Variants in ELP5 observed in about 807,000 individuals in gnomAD.
ELP5 encodes elongator acetyltransferase complex subunit 5.
Under a neutral mutation model 33.4 loss-of-function variants are expected in ELP5, and 34 were observed. The ratio of observed to expected loss-of-function variants is 1.02; its 90% confidence interval spans 0.78 to 1.36. ELP5 has a LOEUF of 1.36. Ranked by LOEUF, ELP5 falls within the 40% of genes most tolerant of loss-of-function variation. The pLI is 0.00. For synonymous variants in ELP5, 161 were observed against 146.4 expected, an observed-to-expected ratio of 1.10 and a Z score of -0.72; for missense variants, 373 against 371.7, an observed-to-expected ratio of 1.00 and a Z score of -0.03.
At chr17:7,255,800 G>A (rs940854163) in intron 4 of ELP5, among the ~76,000 whole-genome samples, 2 of 152,190 alleles carry the variant, frequency 1.3e-5, no homozygotes, top group African/African-American at 4.8e-5. Flanking sequence ...AGTGGCTCAT[G>A]CCTGTAATCC....
In ELP5 at chr17:7,259,689, G is replaced by A. The variant is rs2072168846; in HGVS notation, c.*4G>A. On this transcript the variant is annotated 3_prime_UTR_variant, in exon 8 of 8. Coordinates refer to ENST00000396628, the MANE Select transcript of ELP5 (RefSeq NM_203414.3). ...AGATGACGACCTGGATATTTGACTGGCCAGATTTGATTAGATTGTAATTGG... is the reference window on the plus strand; with the variant it reads ...AGATGACGACCTGGATATTTGACTGACCAGATTTGATTAGATTGTAATTGG... The A allele has an allele frequency of 1.2e-6, 2 of 1,614,166 alleles. No individual in the cohort carries two copies. Among genetic ancestry groups the A allele is most frequent in the Non-Finnish European group, 1.7e-6 (2 of 1,180,016 alleles).
chr17:7,259,921 A>AT lies in ELP5; in HGVS notation c.*243dup, dbSNP rs1285625284. The AT allele has an allele frequency of 2.3e-5, 11 of 479,506 alleles. No homozygotes were observed. Among genetic ancestry groups the AT allele is most frequent in the South Asian group, 2.2e-4 (4 of 18,420 alleles). 29.7% of individuals were successfully genotyped at this position (479,506 alleles called of 1,614,324 possible). A position where few individuals can be genotyped will look rare whatever the true frequency, so the allele number is the denominator to read the frequency against. ...ACCCCCGTACCTAATAAAAATCTTT[A>AT]TTTTTTTATTAAAAAAGAAGTACTT... is the stretch of plus-strand genomic sequence containing the variant. On this transcript the variant is annotated 3_prime_UTR_variant, in exon 8 of 8. Transcript: ENST00000396628.
At chr17:7,254,506 A>G (rs1356665951) in intron 3 of ELP5, 77 bp from the exon 4 acceptor site, 2 of 1,058,786 alleles carry the variant, frequency 1.9e-6, no homozygotes, top group Non-Finnish European at 2.7e-6. Flanking sequence ...AAACAGCCAT[A>G]AAGATCAGAG....
chr17:7,252,625 G>C (rs199771341), intron 1 of ELP5, 29 bp downstream of exon 1: 3 of 1,605,004 alleles, frequency 1.9e-6, no homozygotes, highest in Middle Eastern at 1.7e-4. Flanking sequence ...GTGGCGGGGC[G>C]GGGGGTGCGG....
upstream of ELP5, chr17:7,252,153 G>T: frequency 2.8e-6 from 1 of 361,336 alleles, no homozygotes; most frequent in Non-Finnish European, 5.2e-6. Flanking sequence ...AGGTGGCCGC[G>T]GGGCGGGGCC....
chr17:7,253,685 C>A (rs1460092401), intron 3 of ELP5, among the ~76,000 whole-genome samples: 1 of 152,118 alleles, frequency 6.6e-6, no homozygotes, highest in Non-Finnish European at 1.5e-5. Context: ...GTGATAGAGG[C>A]GGTGGTGTAT....
At position 7,258,671 on chromosome 17, in the gene ELP5, T is replaced by G. The variant is rs865930254; in HGVS notation, c.675T>G (p.Pro225=). ...TAGAGTCCCAGCCCTACTCCGATCC[T>G]CATATACCCCCGGTATCTAAGAATG... ...PSVESQPYSD[P]HIPPVDPTTH... The change falls in exon 6 of 8, where the codon CCT becomes CCG. Residue 225 remains proline, a synonymous_variant. Transcript: ENST00000396628. 9.3e-6 allele frequency: 15 copies of G among 1,613,990 alleles called. No homozygotes were observed. Among genetic ancestry groups the G allele is most frequent in the Non-Finnish European group, 1.3e-5 (15 of 1,180,034 alleles).
upstream of ELP5, chr17:7,252,107 A>G (rs1225607199): frequency 9.6e-6 from 3 of 311,636 alleles, no homozygotes; most frequent in African/African-American, 2.3e-5. Flanking sequence ...AGCCAAAAGC[A>G]CTCCAAGCGA....
intron 5 of ELP5, among the ~76,000 whole-genome samples, chr17:7,257,786 G>C (rs1403701712): frequency 6.6e-6 from 1 of 152,176 alleles, no homozygotes; most frequent in Non-Finnish European, 1.5e-5. Flanking sequence ...AGTGTAAGTG[G>C]GGCCCAGGCG....
intron 7 of ELP5, 66 bp downstream of exon 7, chr17:7,258,992 G>T: frequency 6.2e-7 from 1 of 1,604,958 alleles, no homozygotes; most frequent in East Asian, 2.2e-5. Context: ...TGGAGAGGTT[G>T]GGGCAACAGG....
At chr17:7,255,136 C>T (rs903835561) in intron 4 of ELP5, among the ~76,000 whole-genome samples, 3 of 151,854 alleles carry the variant, frequency 2.0e-5, no homozygotes, top group Admixed American at 6.6e-5. Flanking sequence ...TCCAGGAGCT[C>T]GAAGTCCCAT....
intron 5 of ELP5, 49 bp downstream of exon 5, chr17:7,257,087 G>A: frequency 2.7e-6 from 4 of 1,487,742 alleles, no homozygotes; most frequent in East Asian, 2.4e-5. Flanking sequence ...CAGAGAAAGG[G>A]GTGGCACGAT....
intron 4 of ELP5, among the ~76,000 whole-genome samples, chr17:7,255,171 C>G (rs1036020101): frequency 6.6e-6 from 1 of 151,740 alleles, no homozygotes; most frequent in African/African-American, 2.4e-5. Flanking sequence ...AGTAAACAGG[C>G]AGTTACAAGA....
In ELP5 at chr17:7,252,423, C is replaced by T; in HGVS notation, c.-128C>T. The stretch of plus-strand genomic sequence containing the variant: ...TATTGAACATAATCACCTCTCATTC[C>T]AGACTATGTTAGGTCTTAATGGTGG... On this transcript the variant is annotated 5_prime_UTR_variant, in exon 1 of 8. Coordinates refer to ENST00000396628, the MANE Select transcript of ELP5 (RefSeq NM_203414.3). 1 of 1,414,872 alleles carries T rather than the reference C, an allele frequency of 7.1e-7. No individual in the cohort carries two copies. The highest frequency in any genetic ancestry group is 9.8e-7 in the Non-Finnish European group (1 of 1,015,498). 87.6% of individuals were successfully genotyped at this position (1,414,872 alleles called of 1,614,324 possible).
In ELP5 at chr17:7,252,545, T is replaced by C. The variant is rs1228682314; in HGVS notation, c.-6T>C. 1.9e-6 allele frequency: 3 copies of C among 1,613,268 alleles called. No homozygotes were observed. Among genetic ancestry groups the C allele is most frequent in the Non-Finnish European group, 8.5e-7 (1 of 1,179,846 alleles). Reference sequence around the variant, plus strand: ...CGCCAGAGCAGGGACCGGACGCGAGTTGGAGATGTTGGACTCGCTGTTGGC... The same window carrying C: ...CGCCAGAGCAGGGACCGGACGCGAGCTGGAGATGTTGGACTCGCTGTTGGC... On this transcript the variant is annotated 5_prime_UTR_variant, in exon 1 of 8. Coordinates refer to ENST00000396628, the MANE Select transcript of ELP5 (RefSeq NM_203414.3).
At chr17:7,257,070 C>A in intron 5 of ELP5, 32 bp downstream of exon 5, 1 of 1,511,544 alleles carries the variant, frequency 6.6e-7, no homozygotes, top group South Asian at 1.3e-5. Context: ...GGACTGGAAA[C>A]GGGGGACAGA....
chr17:7,252,570 C>T lies in ELP5; in HGVS notation c.20C>T (p.Ala7Val), dbSNP rs2071964906. 6.2e-7 allele frequency: 1 copy of T among 1,613,256 alleles called. No homozygotes were observed. The highest frequency in any genetic ancestry group is 8.5e-7 in the Non-Finnish European group (1 of 1,179,836). MLDSLL[A>V]LGGLVLLRDS... is the part of the protein sequence containing the mutation. ...TTGGAGATGTTGGACTCGCTGTTGG[C>T]CTTGGGCGGCCTGGTGCTGCTTCGG... The change falls in exon 1 of 8, where the codon GCC becomes GTC. Residue 7 changes from alanine (A) to valine (V), a missense_variant. Physicochemically the swap from Ala to Val is moderately conservative, Grantham distance 64. Coordinates refer to ENST00000396628, the MANE Select transcript of ELP5 (RefSeq NM_203414.3).
chr17:7,254,683 A>C lies in ELP5; in HGVS notation c.289A>C (p.Arg97=), dbSNP rs2072033498. 6.2e-7 allele frequency: 1 copy of C among 1,614,186 alleles called. No individual in the cohort carries two copies. Among genetic ancestry groups the C allele is most frequent in the African/African-American group, 1.3e-5 (1 of 75,046 alleles). ...PLGALRAMCK[R]TDPVPVTIAL... is the part of the protein sequence containing the mutation. ...GGGAGCCTTGAGAGCCATGTGCAAG[A>C]GGACAGATCCTGTTCCTGTCACCAT... The change falls in exon 4 of 8, where the codon AGG becomes CGG. Residue 97 remains arginine, a synonymous_variant. Transcript: ENST00000396628.
intron 3 of ELP5, among the ~76,000 whole-genome samples, chr17:7,253,735 C>T (rs1237664961): frequency 1.3e-5 from 2 of 152,178 alleles, no homozygotes; most frequent in African/African-American, 4.8e-5. Context: ...GTGGCTCACG[C>T]CTGTAATCCC....
Sources: gnomAD v4.1 joint callset for allele counts (sites outside exome capture counted in the v4.1 genomes callset) on GRCh38, gnomAD v4.1.1 for gene constraint, MANE v1.5 for transcripts, NCBI Gene and HGNC (gene_info 2026-07-23, HGNC 2026-07-21) for gene names.